TSNAXIP1: variants seen among roughly 807,000 people sequenced by gnomAD.
The protein encoded by TSNAXIP1 is translin associated factor X interacting protein 1.
Under a neutral mutation model 84.8 loss-of-function variants are expected in TSNAXIP1, and 89 were observed. The observed-to-expected ratio is 1.05, with a 90% CI of 0.88 to 1.25. The LOEUF (loss-of-function observed/expected upper bound fraction) is 1.25. Among genes scored for constraint, TSNAXIP1 ranks in the 50% most tolerant of loss-of-function variants. The probability of loss-of-function intolerance (pLI) is 0.00; values close to 1 mark genes in which losing one functional copy is unlikely to be tolerated. For missense variants in TSNAXIP1, 874 were observed against 887.6 expected, an observed-to-expected ratio of 0.98 and a Z score of 0.20; for synonymous variants, 347 against 335.2, an observed-to-expected ratio of 1.04 and a Z score of -0.39.
At position 67,826,537 on chromosome 16, in the gene TSNAXIP1, G is replaced by A; in HGVS notation, c.1376G>A (p.Trp459Ter). The A allele has an allele frequency of 1.2e-6, 2 of 1,614,192 alleles. No homozygotes were observed. The highest frequency in any genetic ancestry group is 1.7e-6 in the Non-Finnish European group (2 of 1,180,038). The change falls in exon 11 of 16, where the codon TGG (tryptophan) becomes TAG (stop). Residue 459 changes from tryptophan (W) to a stop codon, truncating the protein, a stop_gained. Coordinates refer to ENST00000561639, the MANE Select transcript of TSNAXIP1 (RefSeq NM_001288990.3). LOFTEE classifies it high-confidence loss of function. ...KDVVNLLKDAWKERLAEEQKE... is the reference protein window; with the variant it reads ...KDVVNLLKDA ...GTGGTCAACCTCCTCAAGGATGCCT[G>A]GAAGGAACGTCTTGCTGAGGAGCAG...
At chr16:67,812,290 C>T (rs1460130463) in intron 1 of TSNAXIP1, among the ~76,000 whole-genome samples, 1 of 152,106 alleles carries the variant, frequency 6.6e-6, no homozygotes, top group Non-Finnish European at 1.5e-5. Flanking sequence ...AGAGGCTTTT[C>T]CTGTTCTACT....
chr16:67,814,053 T>C (rs1010102158), intron 1 of TSNAXIP1, among the ~76,000 whole-genome samples: 7 of 152,100 alleles, frequency 4.6e-5, no homozygotes, highest in East Asian at 1.9e-4. Flanking sequence ...TCTGGGTTCA[T>C]GGGGAGGATG....
At chr16:67,820,385 C>T (rs987339274) in intron 2 of TSNAXIP1, among the ~76,000 whole-genome samples, 4 of 152,156 alleles carry the variant, frequency 2.6e-5, no homozygotes, top group African/African-American at 9.7e-5. Context: ...TGAGACTTAA[C>T]CCGAGTCTTC....
In TSNAXIP1 at chr16:67,806,895, C is replaced by T. The variant is rs1321428859; in HGVS notation, c.-255C>T. The T allele has an allele frequency of 1.1e-5, 7 of 611,380 alleles. No individual in the cohort carries two copies. The East Asian group carries it at 1.4e-4, about 12-fold the overall frequency. 37.9% of individuals were successfully genotyped at this position (611,380 alleles called of 1,614,324 possible). On this transcript the variant is annotated 5_prime_UTR_variant, in exon 1 of 16. Coordinates refer to ENST00000561639, the MANE Select transcript of TSNAXIP1 (RefSeq NM_001288990.3). ...CTCCCCATGGCCTCTGTTCATCCCCCTGCCTCAGTTCTGGTACCTGGGGTC... is the reference window on the plus strand; with the variant it reads ...CTCCCCATGGCCTCTGTTCATCCCCTTGCCTCAGTTCTGGTACCTGGGGTC...
chr16:67,821,266 G>GGGTC, intron 4 of TSNAXIP1, 41 bp downstream of exon 4: 1 of 1,447,916 alleles, frequency 6.9e-7, no homozygotes, highest in Non-Finnish European at 9.4e-7. Flanking sequence ...CGGGGGAAGG[G>GGGTC]TGGGAAGAAG....
chr16:67,827,752 G>C lies in TSNAXIP1; in HGVS notation c.1899-1G>C, dbSNP rs752078095. On this transcript the variant is annotated splice_acceptor_variant, in intron 15 of 15. Transcript: ENST00000561639. LOFTEE classifies it high-confidence loss of function. ...CTGTCACTCTCTTTCCTGTGGGGCAGCCATGAGGAAGTGACTCTGCCCAAG... is the reference window on the plus strand; with the variant it reads ...CTGTCACTCTCTTTCCTGTGGGGCACCCATGAGGAAGTGACTCTGCCCAAG... The C allele has an allele frequency of 5.6e-6, 9 of 1,613,816 alleles. No homozygotes were observed. Among genetic ancestry groups the C allele is most frequent in the Non-Finnish European group, 7.6e-6 (9 of 1,180,026 alleles).
chr16:67,818,090 T>C (rs1047734787), intron 2 of TSNAXIP1, among the ~76,000 whole-genome samples: 10 of 151,652 alleles, frequency 6.6e-5, no homozygotes, highest in African/African-American at 2.4e-4. Flanking sequence ...GCGCCTGTAA[T>C]TCCGGCTACT....
chr16:67,811,482 C>T (rs1433958590), intron 1 of TSNAXIP1, among the ~76,000 whole-genome samples: 3 of 129,706 alleles, frequency 2.3e-5, no homozygotes, highest in Non-Finnish European at 4.6e-5. Flanking sequence ...CTCTGTGTTG[C>T]CCAAGCTGTA....
intron 2 of TSNAXIP1, among the ~76,000 whole-genome samples, chr16:67,820,214 C>T (rs556305275): frequency 1.3e-5 from 2 of 151,444 alleles, no homozygotes; most frequent in Admixed American, 6.6e-5. Flanking sequence ...CCTCAGCCTC[C>T]GAAAGTGCTG....
rs749291292 is a variant in TSNAXIP1 at position 67,827,794 on chromosome 16, T to G, written c.1940T>G (p.Met647Arg). 2 of 1,614,114 alleles carry G rather than the reference T, an allele frequency of 1.2e-6. No homozygotes were observed. The highest frequency in any genetic ancestry group is 2.7e-5 in the African/African-American group (2 of 75,034). Reference sequence around the variant, plus strand: ...CTGCCCAAGCTGCGAGGGGGCCTGATGACCATCGACCCCAGCCTGGACAAG... The same window carrying G: ...CTGCCCAAGCTGCGAGGGGGCCTGAGGACCATCGACCCCAGCCTGGACAAG... ...VTLPKLRGGL[M>R]TIDPSLDKQT... is the part of the protein sequence containing the mutation. The change falls in exon 16 of 16, where the codon ATG becomes AGG. Residue 647 changes from methionine to arginine, a missense_variant. Physicochemically the swap from Met to Arg is moderately conservative, Grantham distance 91. Coordinates refer to ENST00000561639, the MANE Select transcript of TSNAXIP1 (RefSeq NM_001288990.3).
intron 1 of TSNAXIP1, chr16:67,807,640 T>C (rs2055574867): frequency 3.8e-6 from 1 of 260,002 alleles, no homozygotes; most frequent in South Asian, 3.4e-5. Flanking sequence ...AATTTTTGGG[T>C]GTTTCTTTGT....
intron 1 of TSNAXIP1, among the ~76,000 whole-genome samples, chr16:67,808,792 A>G (rs988873701): frequency 7.2e-5 from 11 of 152,162 alleles, no homozygotes; most frequent in Admixed American, 5.9e-4. Flanking sequence ...GAGAGAGAGA[A>G]AGAGAATTGT....
chr16:67,809,024 AAAT>A (rs1282711887), intron 1 of TSNAXIP1, among the ~76,000 whole-genome samples: 15 of 146,758 alleles, frequency 1.0e-4, no homozygotes, highest in African/African-American at 2.0e-4. Context: ...CTGTCCCTAC[AAAT>A]AATAATAATA....
intron 1 of TSNAXIP1, among the ~76,000 whole-genome samples, chr16:67,811,305 A>C (rs959701125): frequency 6.6e-6 from 1 of 152,104 alleles, no homozygotes. Flanking sequence ...AACTAACAAC[A>C]TCTGTTACCT....
Position 67,824,768 on chromosome 16 carries a change from T to C in TSNAXIP1, c.667T>C (p.Leu223=), listed in dbSNP as rs765026636. The C allele has an allele frequency of 7.4e-6, 12 of 1,613,882 alleles. No homozygotes were observed. Among genetic ancestry groups the C allele is most frequent in the East Asian group, 6.7e-5 (3 of 44,876 alleles). Residue 223 remains leucine, a synonymous_variant, in exon 6 of 16, where the codon TTG becomes CTG. Coordinates refer to ENST00000561639, the MANE Select transcript of TSNAXIP1 (RefSeq NM_001288990.3). ...CAAAAAGAATGAGGAGAAGATTTCA[T>C]TGCAGAGCGAGGTGAATGGAAGTGG... ...IDKKNEEKIS[L]QSEVTKLRKN...
At chr16:67,816,168 C>T (rs954617076) in intron 2 of TSNAXIP1, among the ~76,000 whole-genome samples, 4 of 151,720 alleles carry the variant, frequency 2.6e-5, no homozygotes, top group African/African-American at 9.7e-5. Flanking sequence ...GGGGTTTTAC[C>T]GTGTTGGCCA....
intron 2 of TSNAXIP1, among the ~76,000 whole-genome samples, chr16:67,815,313 CAAAAAAAAAAA>C (rs561529036): frequency 0.092 from 4,594 of 50,072 alleles, 271 homozygotes; most frequent in African/African-American, 0.25. Flanking sequence ...GACTACATCT[CAAAAAAAAAAA>C]AAAAAAAAAA....
At position 67,824,970 on chromosome 16, in the gene TSNAXIP1, T is replaced by C. The variant is rs561221989; in HGVS notation, c.679-167T>C. On this transcript the variant is annotated intron_variant, in intron 6 of 15. Coordinates refer to ENST00000561639, the MANE Select transcript of TSNAXIP1 (RefSeq NM_001288990.3). ...AGTACTTTCCCCACAGGGGGAAACA[T>C]TGGCACCTTGCCGAATTCTCAGAAA... Among the ~76,000 whole-genome samples, 236 of 152,330 alleles carry C rather than the reference T, an allele frequency of 1.5e-3. 1 individual carries two copies. The highest frequency in any genetic ancestry group is 5.3e-3 in the African/African-American group (222 of 41,582).
chr16:67,806,971 C>T lies in TSNAXIP1; in HGVS notation c.-179C>T, dbSNP rs932174373. On this transcript the variant is annotated 5_prime_UTR_variant, in exon 1 of 16. Coordinates refer to ENST00000561639, the MANE Select transcript of TSNAXIP1 (RefSeq NM_001288990.3). ...AGGGCACCCGCTGCCGGGTCCCAGT[C>T]CACCTTTGCTACTTTGTCCTACTCC... 10 of 986,948 alleles carry T rather than the reference C, an allele frequency of 1.0e-5. No homozygotes were observed. The highest frequency in any genetic ancestry group is 9.8e-5 in the African/African-American group (6 of 60,916). The allele number at this position is 986,948 out of a possible 1,614,324, so 61.1% of individuals were successfully genotyped here.
Sources: allele counts gnomAD v4.1 joint callset (sites outside exome capture counted in the v4.1 genomes callset), GRCh38; gene constraint gnomAD v4.1.1; transcripts MANE v1.5; gene names NCBI Gene and HGNC (gene_info 2026-07-23, HGNC 2026-07-21).